Variants in LRP11 observed in about 807,000 individuals in gnomAD.
LRP11 encodes the protein low-density lipoprotein receptor-related protein 11.
A neutral mutation model predicts 43.1 loss-of-function variants in LRP11; 25 were observed. The observed-to-expected ratio is 0.58, with a 90% CI of 0.42 to 0.81. The LOEUF is 0.81. LRP11 is among the 30% of genes least tolerant of loss of function. LRP11 has a pLI of 0.00. For missense variants in LRP11, 623 were observed against 665.1 expected (o/e 0.94, Z 0.70); for synonymous variants, 316 against 299.4 (o/e 1.06, Z -0.57).
chr6:149,842,503 C>T (rs1776563093), intron 3 of LRP11: 1 of 731,830 alleles, frequency 1.4e-6, no homozygotes, highest in Admixed American at 2.2e-5. Context: ...AGAACCTGTT[C>T]CTCCGGTCTC....
At chr6:149,859,396 A>ATATATATATATATATATATATATATT in intron 1 of LRP11, among the ~76,000 whole-genome samples, 33 of 71,490 alleles carry the variant, frequency 4.6e-4, no homozygotes, top group East Asian at 1.8e-3. Flanking sequence ...ATATATATAT[A>ATATATATATATATATATATATATATT]TTTTTTTTTT....
At chr6:149,823,636 C>T (rs1216759499) in intron 6 of LRP11, among the ~76,000 whole-genome samples, 1 of 152,128 alleles carries the variant, frequency 6.6e-6, no homozygotes, top group Non-Finnish European at 1.5e-5. Flanking sequence ...GAGCTGATGA[C>T]ACACTCACGG....
chr6:149,828,201 A>T (rs1336925660), intron 5 of LRP11, among the ~76,000 whole-genome samples: 2 of 151,996 alleles, frequency 1.3e-5, no homozygotes, highest in African/African-American at 4.8e-5. Flanking sequence ...GAAAAAAAAA[A>T]AAGATTTTAT....
At chr6:149,826,839 G>A (rs1776346882) in intron 5 of LRP11, among the ~76,000 whole-genome samples, 1 of 152,116 alleles carries the variant, frequency 6.6e-6, no homozygotes, top group South Asian at 2.1e-4. Flanking sequence ...TCGTACCTAG[G>A]TTCACACAAG....
intron 2 of LRP11, among the ~76,000 whole-genome samples, chr6:149,851,804 C>T (rs1776723302): frequency 6.6e-6 from 1 of 152,136 alleles, no homozygotes; most frequent in African/African-American, 2.4e-5. Context: ...CACACTGCTA[C>T]AAAGAACTGC....
intron 1 of LRP11, among the ~76,000 whole-genome samples, chr6:149,861,908 T>C (rs1290813221): frequency 6.6e-6 from 1 of 152,254 alleles, no homozygotes; most frequent in African/African-American, 2.4e-5. Flanking sequence ...TCTGGGTTTA[T>C]AGGAAAGCTC....
chr6:149,832,214 C>T (rs1179808098), intron 5 of LRP11, among the ~76,000 whole-genome samples: 5 of 102,632 alleles, frequency 4.9e-5, no homozygotes, highest in East Asian at 7.8e-4. Context: ...TTTTTTGAGA[C>T]TGAGTCTCAC....
At position 149,843,016 on chromosome 6, in the gene LRP11, C is replaced by G. The variant is rs573751037; in HGVS notation, c.880G>C (p.Val294Leu). Residue 294 changes from valine to leucine, a missense_variant, in exon 3 of 7, where the codon GTG becomes CTG. Coordinates refer to ENST00000239367, the MANE Select transcript of LRP11 (RefSeq NM_032832.6). ...GAGTAGGCTGCGCGAAGCACTGTCA[C>G]TGACACGTTGTCAGAGCTTCTCTGC... ...AGQRSSDNVS[V>L]TVLRAAYSTG... is the part of the protein sequence containing the mutation. The G allele has an allele frequency of 6.2e-7, 1 of 1,614,234 alleles. No homozygotes were observed. Among genetic ancestry groups the G allele is most frequent in the East Asian group, 2.2e-5 (1 of 44,884 alleles).
At chr6:149,835,921 A>G (rs1776464905) in intron 5 of LRP11, among the ~76,000 whole-genome samples, 164 bp downstream of exon 5, 1 of 152,230 alleles carries the variant, frequency 6.6e-6, no homozygotes, top group African/African-American at 2.4e-5. Context: ...ACTACAAATT[A>G]GTGCAAATGT....
rs994230449 is a variant in LRP11 at position 149,836,162 on chromosome 6, G to A, written c.1175C>T (p.Pro392Leu). 1.2e-6 allele frequency: 2 copies of A among 1,614,068 alleles called. No individual in the cohort carries two copies. The highest frequency in any genetic ancestry group is 1.7e-6 in the Non-Finnish European group (2 of 1,180,036). ...SQKATAPNKP[P>L]ALSNTEKRNH... ...CCTCTTCTCTGTGTTTGATAATGCA[G>A]GTGGCTTGTTTGGGGCAGTGGCTTT... The change falls in exon 5 of 7, where the codon CCT becomes CTT. Residue 392 changes from proline to leucine, a missense_variant. Transcript: ENST00000239367.
intron 1 of LRP11, among the ~76,000 whole-genome samples, chr6:149,856,310 T>A (rs1030136996): frequency 6.6e-6 from 1 of 152,244 alleles, no homozygotes; most frequent in African/African-American, 2.4e-5. Flanking sequence ...CACTTACTTT[T>A]ATTTAGGTGA....
chr6:149,848,445 C>T (rs991589170), intron 2 of LRP11, among the ~76,000 whole-genome samples: 6 of 152,224 alleles, frequency 3.9e-5, no homozygotes, highest in Non-Finnish European at 5.9e-5. Flanking sequence ...TTCACTGCAG[C>T]GCTATTCACA....
chr6:149,859,396 A>ATATATATATATATATATATATATTTTTT, intron 1 of LRP11, among the ~76,000 whole-genome samples: 1 of 71,488 alleles, frequency 1.4e-5, no homozygotes, highest in Non-Finnish European at 2.3e-5. Context: ...ATATATATAT[A>ATATATATATATATATATATATATTTTTT]TTTTTTTTTT....
intron 6 of LRP11, among the ~76,000 whole-genome samples, chr6:149,820,928 CTTTT>C (rs11399122): frequency 8.6e-6 from 1 of 116,492 alleles, no homozygotes; most frequent in South Asian, 2.6e-4. Context: ...CAAACCTAGA[CTTTT>C]TTTTTTTTTT....
Position 149,826,272 on chromosome 6 carries a change from G to C in LRP11, c.1340C>G (p.Pro447Arg). The C allele has an allele frequency of 6.2e-7, 1 of 1,612,510 alleles. No homozygotes were observed. Among genetic ancestry groups the C allele is most frequent in the Non-Finnish European group, 8.5e-7 (1 of 1,178,540 alleles). The change falls in exon 6 of 7, where the codon CCA becomes CGA. Residue 447 changes from proline to arginine, a missense_variant. By Grantham distance (103) the Pro-to-Arg change is moderately radical (BLOSUM62 -2). Coordinates refer to ENST00000239367, the MANE Select transcript of LRP11 (RefSeq NM_032832.6). ...GDGGGGEHPA[P>R]ETGAVLPLAL... is the part of the protein sequence containing the mutation. ...CCAAGGTGGACATTTACCTGTTTCT[G>C]GGGCTGGGTGTTCCCCTCCTCCTCC...
At chr6:149,837,183 T>C (rs530899229) in intron 4 of LRP11, among the ~76,000 whole-genome samples, 155 bp downstream of exon 4, 19 of 152,284 alleles carry the variant, frequency 1.2e-4, no homozygotes, top group East Asian at 3.9e-4. Flanking sequence ...TAGAGACATA[T>C]TGAATTCTCA....
chr6:149,839,087 G>A (rs1360685051), intron 3 of LRP11, among the ~76,000 whole-genome samples: 1 of 150,622 alleles, frequency 6.6e-6, no homozygotes, highest in Non-Finnish European at 1.5e-5. Context: ...TAGATACAGG[G>A]TGTCACTATG....
intron 3 of LRP11, chr6:149,842,461 A>G (rs1776562352): frequency 1.6e-6 from 1 of 613,034 alleles, no homozygotes; most frequent in African/African-American, 1.9e-5. Flanking sequence ...ATTATCATTA[A>G]CTATAGTCAC....
At position 149,820,602 on chromosome 6, in the gene LRP11, G is replaced by A. The variant is rs768949248; in HGVS notation, c.1450C>T (p.Arg484Cys). ...RLVKQKLKKA[R>C]PITSEESDYL... ...TCCGATTCCTCAGATGTAATGGGAC[G>A]AGCTTTTTTCAGTTTCTGTTTCACC... Residue 484 changes from arginine to cysteine, a missense_variant, in exon 7 of 7, where the codon CGT becomes TGT. Physicochemically the swap from Arg to Cys is radical, Grantham distance 180 (BLOSUM62 -3). Transcript: ENST00000239367. 7.7e-6 allele frequency: 6 copies of A among 780,856 alleles called. No individual in the cohort carries two copies. The highest frequency in any genetic ancestry group is 2.4e-5 in the East Asian group (1 of 41,258). The allele number at this position is 780,856 out of a possible 1,614,324, so 48.4% of individuals were successfully genotyped here.
Sources: gnomAD v4.1 joint callset for allele counts (sites outside exome capture counted in the v4.1 genomes callset) on GRCh38, gnomAD v4.1.1 for gene constraint, MANE v1.5 for transcripts, NCBI Gene and HGNC (gene_info 2026-07-23, HGNC 2026-07-21) for gene names.